Variants in C4orf54 observed in about 807,000 individuals in gnomAD.
The protein encoded by C4orf54 is chromosome 4 open reading frame 54, also known as uncharacterized protein C4orf54.
C4orf54 carries 67 observed loss-of-function variants against 80.1 expected under a neutral mutation model. That is an observed-to-expected ratio of 0.84 (90% CI 0.69 to 1.03). The LOEUF (loss-of-function observed/expected upper bound fraction) is 1.03, where lower values mean the gene tolerates loss of function less well. Ranked by LOEUF, C4orf54 falls within the 50% of genes least tolerant of loss-of-function variation. The pLI, the probability that C4orf54 is intolerant of heterozygous loss-of-function variation, is 0.00. For missense variants in C4orf54, 2,434 were observed against 2,253.5 expected (o/e 1.08, Z -1.62); for synonymous variants, 1,000 against 917.0 (o/e 1.09, Z -1.64).
At chr4:99,642,156 A>G (rs1408161496) in intron 2 of C4orf54, among the ~76,000 whole-genome samples, 1 of 152,216 alleles carries the variant, frequency 6.6e-6, no homozygotes, top group Admixed American at 6.5e-5. Flanking sequence ...GCAAGATGAA[A>G]GGGACCATTG....
At chr4:99,655,356 A>G (rs1341247943) in intron 1 of C4orf54, among the ~76,000 whole-genome samples, 1 of 152,198 alleles carries the variant, frequency 6.6e-6, no homozygotes, top group African/African-American at 2.4e-5. Flanking sequence ...CAGTGCCTTA[A>G]TCAATCTCAA....
intron 2 of C4orf54, among the ~76,000 whole-genome samples, chr4:99,644,632 T>A (rs918524958): frequency 2.0e-5 from 3 of 152,088 alleles, no homozygotes; most frequent in African/African-American, 7.2e-5. Flanking sequence ...GCAAATTTCC[T>A]GTCCTTCAGA....
Position 99,639,203 on chromosome 4 carries a change from G to T in C4orf54, c.*2030C>A, listed in dbSNP as rs1445921609. 1 of 151,980 alleles carries T rather than the reference G, an allele frequency of 6.6e-6. No individual in the cohort carries two copies. Among genetic ancestry groups the T allele is most frequent in the Non-Finnish European group, 1.5e-5 (1 of 67,966 alleles). 9.4% of individuals were successfully genotyped at this position (151,980 alleles called of 1,614,324 possible). On this transcript the variant is annotated 3_prime_UTR_variant, in exon 3 of 3. Transcript: ENST00000511828. Reference sequence around the variant, plus strand: ...GCTTTAAACCAGTCTTAACAATTTTGGTACTATCCACCCAAATCCTATATA... The same window carrying T: ...GCTTTAAACCAGTCTTAACAATTTTTGTACTATCCACCCAAATCCTATATA...
rs1726532449 is a variant in C4orf54 at position 99,637,769 on chromosome 4, G to C, written c.*3464C>G. The C allele has an allele frequency of 6.6e-6, 1 of 151,988 alleles. No individual in the cohort carries two copies. Among genetic ancestry groups the C allele is most frequent in the African/African-American group, 2.4e-5 (1 of 41,368 alleles). The allele number at this position is 151,988 out of a possible 1,614,324, so 9.4% of individuals were successfully genotyped here. Reference sequence around the variant, plus strand: ...TGAAATAGCATACCCTGAGAATTTGGGGTGCAAACCTACACCTTGTAAACT... The same window carrying C: ...TGAAATAGCATACCCTGAGAATTTGCGGTGCAAACCTACACCTTGTAAACT... On this transcript the variant is annotated 3_prime_UTR_variant, in exon 3 of 3. Coordinates refer to ENST00000511828, the MANE Select transcript of C4orf54 (RefSeq NM_001354435.2).
At chr4:99,647,453 C>T (rs1310131816) in intron 2 of C4orf54, among the ~76,000 whole-genome samples, 1 of 151,564 alleles carries the variant, frequency 6.6e-6, no homozygotes, top group Non-Finnish European at 1.5e-5. Flanking sequence ...AGTCTCCTAC[C>T]CATGCATATT....
At chr4:99,656,062 A>G (rs1726973699) in intron 1 of C4orf54, among the ~76,000 whole-genome samples, 1 of 152,196 alleles carries the variant, frequency 6.6e-6, no homozygotes, top group Non-Finnish European at 1.5e-5. Context: ...CTTTCTGCCC[A>G]CACCACTGCC....
At chr4:99,647,050 T>C (rs1036780268) in intron 2 of C4orf54, among the ~76,000 whole-genome samples, 4 of 152,232 alleles carry the variant, frequency 2.6e-5, no homozygotes, top group African/African-American at 7.2e-5. Context: ...TCTGTCTATC[T>C]TTAGGGCTTT....
intron 2 of C4orf54, among the ~76,000 whole-genome samples, chr4:99,648,155 G>T (rs1466081976): frequency 6.6e-6 from 1 of 151,688 alleles, no homozygotes; most frequent in Non-Finnish European, 1.5e-5. Context: ...GGAGTGTAAG[G>T]GGCAAGTTTG....
rs1726795764 is a variant in C4orf54, at chr4:99,650,535, T to A, written c.4114A>T (p.Ile1372Phe). ...TCTACATCCTTGTGGACTGGGGGAA[T>A]ATAGAGAGATCGGGGTCTTTCCCTG... ...LARERPRSLYIPPVHKDVERT... is the reference protein window; with the variant it reads ...LARERPRSLYFPPVHKDVERT... The change falls in exon 2 of 3, where the codon ATT becomes TTT. Residue 1372 changes from isoleucine (I) to phenylalanine (F), a missense_variant. By Grantham distance (21) the Ile-to-Phe change is conservative (BLOSUM62 0). Transcript: ENST00000511828. 6.5e-7 allele frequency: 1 copy of A among 1,535,910 alleles called. No homozygotes were observed. Among genetic ancestry groups the A allele is most frequent in the Admixed American group, 2.0e-5 (1 of 50,966 alleles).
Position 99,651,936 on chromosome 4 carries a change from C to A in C4orf54, c.2713G>T (p.Glu905Ter). The change falls in exon 2 of 3, where the codon GAG becomes TAG. Residue 905 changes from glutamate to a stop codon, truncating the protein, a stop_gained. Coordinates refer to ENST00000511828, the MANE Select transcript of C4orf54 (RefSeq NM_001354435.2). LOFTEE classifies it high-confidence loss of function. ...SPVFKASTPR[E>*]RNAGPGRNFT... is the part of the protein sequence containing the mutation. ...TTCCGGCCAGGGCCTGCGTTGCGCT[C>A]GCGAGGAGTACTGGCTTTGAAGACT... The A allele has an allele frequency of 6.5e-7, 1 of 1,536,106 alleles. No homozygotes were observed. Among genetic ancestry groups the A allele is most frequent in the Non-Finnish European group, 8.7e-7 (1 of 1,146,906 alleles).
At position 99,652,880 on chromosome 4, in the gene C4orf54, A is replaced by G. The variant is rs1437466757; in HGVS notation, c.1769T>C (p.Leu590Pro). 1 of 1,536,050 alleles carries G rather than the reference A, an allele frequency of 6.5e-7. No homozygotes were observed. The highest frequency in any genetic ancestry group is 8.7e-7 in the Non-Finnish European group (1 of 1,146,922). ...AKKFIAVPAR[L>P]QTRCGAIRAK... ...CCGGATGGCCCCGCACCTGGTTTGC[A>G]GGCGAGCAGGTACAGCAATGAATTT... Residue 590 changes from leucine to proline, a missense_variant, in exon 2 of 3, where the codon CTG becomes CCG. Physicochemically the swap from Leu to Pro is moderately conservative, Grantham distance 98. Transcript: ENST00000511828.
At chr4:99,643,771 CA>C (rs1726645502) in intron 2 of C4orf54, among the ~76,000 whole-genome samples, 3 of 141,196 alleles carry the variant, frequency 2.1e-5, no homozygotes, top group African/African-American at 5.4e-5. Flanking sequence ...CACACACACA[CA>C]CACACACACA....
chr4:99,653,861 C>A lies in C4orf54; in HGVS notation c.788G>T (p.Gly263Val). The A allele has an allele frequency of 6.5e-7, 1 of 1,536,244 alleles. No individual in the cohort carries two copies. ...GGATGAGGAAGATGAGAAATTGCCACCCTCTTCAGAGGCAGAGTGCTGGGA... is the reference window on the plus strand; with the variant it reads ...GGATGAGGAAGATGAGAAATTGCCAACCTCTTCAGAGGCAGAGTGCTGGGA... The part of the protein sequence containing the change: ...SRSQHSASEE[G>V]GNFSSSSSSS... The change falls in exon 2 of 3, where the codon GGT becomes GTT. Residue 263 changes from glycine (G) to valine (V), a missense_variant. By Grantham distance (109) the Gly-to-Val change is moderately radical. Coordinates refer to ENST00000511828, the MANE Select transcript of C4orf54 (RefSeq NM_001354435.2).
Position 99,652,338 on chromosome 4 carries a change from C to A in C4orf54, c.2311G>T (p.Ala771Ser). 6.5e-7 allele frequency: 1 copy of A among 1,535,928 alleles called. No homozygotes were observed. Among genetic ancestry groups the A allele is most frequent in the East Asian group, 2.4e-5 (1 of 40,900 alleles). Residue 771 changes from alanine (A) to serine (S), a missense_variant, in exon 2 of 3, where the codon GCC becomes TCC. Coordinates refer to ENST00000511828, the MANE Select transcript of C4orf54 (RefSeq NM_001354435.2). ...KASSAPGPGR[A>S]TKGPGKGPGS... ...GGACCCTTGCCGGGGCCTTTGGTGG[C>A]CCTGCCGGGCCCAGGGGCCGAGCTG...
Position 99,653,582 on chromosome 4 carries a change from C to G in C4orf54, c.1067G>C (p.Ser356Thr). The G allele has an allele frequency of 6.5e-7, 1 of 1,536,062 alleles. No individual in the cohort carries two copies. Among genetic ancestry groups the G allele is most frequent in the Non-Finnish European group, 8.7e-7 (1 of 1,146,876 alleles). ...CTCTTCGACTTTGGGGGGGTCCCTG[C>G]TGCCCTGGGACTTGGCAATAATGTC... ...CRDIIAKSQG[S>T]RDPPKVEEAH... The change falls in exon 2 of 3, where the codon AGC becomes ACC. Residue 356 changes from serine (S) to threonine (T), a missense_variant. Coordinates refer to ENST00000511828, the MANE Select transcript of C4orf54 (RefSeq NM_001354435.2).
chr4:99,650,821 C>T lies in C4orf54; in HGVS notation c.3828G>A (p.Lys1276=). 2 of 1,536,220 alleles carry T rather than the reference C, an allele frequency of 1.3e-6. No individual in the cohort carries two copies. The highest frequency in any genetic ancestry group is 1.2e-5 in the South Asian group (1 of 84,058). The part of the protein sequence containing the change: ...ELYSFNRNEW[K]RKSDPLPMMM... ...TCATAGGCAAGGGGTCGCTTTTGCGCTTCCACTCGTTCCTGTTGAAGCTGT... is the reference window on the plus strand; with the variant it reads ...TCATAGGCAAGGGGTCGCTTTTGCGTTTCCACTCGTTCCTGTTGAAGCTGT... Residue 1276 remains lysine, a synonymous_variant, in exon 2 of 3, where the codon AAG becomes AAA. Coordinates refer to ENST00000511828, the MANE Select transcript of C4orf54 (RefSeq NM_001354435.2).
intron 2 of C4orf54, among the ~76,000 whole-genome samples, chr4:99,647,079 C>G (rs575878737): frequency 6.6e-6 from 1 of 152,270 alleles, no homozygotes; most frequent in African/African-American, 2.4e-5. Flanking sequence ...AAATGAAGGT[C>G]GTGCTTTCAA....
In C4orf54 at chr4:99,653,649, C is replaced by T. The variant is rs558859262; in HGVS notation, c.1000G>A (p.Gly334Arg). ...KISGGGGGGK[G>R]GGGGGAGDGT... is the part of the protein sequence containing the mutation. The stretch of plus-strand genomic sequence containing the variant: ...TCTCCTGCCCCTCCTCCCCCTCCTC[C>T]TTTTCCTCCTCCCCCTCCTCCTGAT... Residue 334 changes from glycine (G) to arginine (R), a missense_variant, in exon 2 of 3, where the codon GGA (glycine) becomes AGA (arginine). By Grantham distance (125) the Gly-to-Arg change is moderately radical. Coordinates refer to ENST00000511828, the MANE Select transcript of C4orf54 (RefSeq NM_001354435.2). 6.2e-5 allele frequency: 95 copies of T among 1,531,594 alleles called. No individual in the cohort carries two copies. In the South Asian group the frequency reaches 1.1e-3, roughly 17 times the overall value. The allele number at this position is 1,531,594 out of a possible 1,614,324, so 94.9% of individuals were successfully genotyped here. A position where few individuals can be genotyped will look rare whatever the true frequency, so the allele number is the denominator to read the frequency against.
intron 1 of C4orf54, among the ~76,000 whole-genome samples, 93 bp downstream of exon 1, chr4:99,657,402 A>T (rs971908763): frequency 6.6e-6 from 1 of 152,236 alleles, no homozygotes; most frequent in African/African-American, 2.4e-5. Context: ...CTGAAAATCT[A>T]CCTGCAGCAT....
Sources: gnomAD v4.1 joint callset for allele counts (sites outside exome capture counted in the v4.1 genomes callset) on GRCh38, gnomAD v4.1.1 for gene constraint, MANE v1.5 for transcripts, NCBI Gene and HGNC (gene_info 2026-07-23, HGNC 2026-07-21) for gene names.